Variants in CA5A observed in about 807,000 individuals in gnomAD.
CA5A encodes carbonic anhydrase 5A, mitochondrial.
CA5A carries 28 observed loss-of-function variants against 37.1 expected under a neutral mutation model. That is an observed-to-expected ratio of 0.75 (90% confidence interval 0.56 to 1.03). CA5A has a LOEUF of 1.03. CA5A is among the 50% of genes least tolerant of loss of function. The probability of loss-of-function intolerance (pLI) is 0.00; values close to 1 mark genes in which losing one functional copy is unlikely to be tolerated. For missense variants in CA5A, 444 were observed against 399.9 expected, an observed-to-expected ratio of 1.11 and a Z score of -0.94; for synonymous variants, 171 against 158.4, an observed-to-expected ratio of 1.08 and a Z score of -0.60.
In CA5A at chr16:87,891,905, G is replaced by T. The variant is rs144744608; in HGVS notation, c.668C>A (p.Thr223Asn). 4.5e-6 allele frequency: 7 copies of T among 1,568,976 alleles called. No individual in the cohort carries two copies. In the African/African-American group the frequency reaches 9.6e-5, roughly 21 times the overall value. ...CGCGTAGGTCCAGTAATCCCAGCAG[G>T]TGGGCAGCAGAGTGGAGGGGTCGAA... is the stretch of plus-strand genomic sequence containing the variant. ...RPFDPSTLLP[T>N]CWDYWTYAGS... Residue 223 changes from threonine (T) to asparagine (N), a missense_variant, in exon 6 of 7, where the codon ACC becomes AAC. Thr to Asn is a moderately conservative substitution (Grantham distance 65). Transcript: ENST00000649794.
chr16:87,898,297 A>G (rs1011356160), intron 5 of CA5A, among the ~76,000 whole-genome samples: 9 of 152,218 alleles, frequency 5.9e-5, no homozygotes, highest in African/African-American at 2.2e-4. Context: ...CCTGGGTGAG[A>G]ACTGCTGAGT....
intron 5 of CA5A, among the ~76,000 whole-genome samples, chr16:87,898,621 G>A (rs142614993): frequency 6.6e-6 from 1 of 152,264 alleles, no homozygotes; most frequent in African/African-American, 2.4e-5. Flanking sequence ...GCAGACTTGA[G>A]TGTGTGAGTG....
chr16:87,902,218 G>A (rs539714691), intron 4 of CA5A, among the ~76,000 whole-genome samples: 5 of 152,168 alleles, frequency 3.3e-5, no homozygotes, highest in African/African-American at 4.8e-5. Flanking sequence ...GCTGGGTGTG[G>A]TGGCACACTC....
chr16:87,929,615 A>G (rs141715018), intron 1 of CA5A, among the ~76,000 whole-genome samples: 2,078 of 152,238 alleles, frequency 0.014, 27 homozygotes, highest in African/African-American at 0.04. Flanking sequence ...GCTCACGCCT[A>G]TAATCCCAGC....
chr16:87,914,331 C>T (rs1019174080), intron 2 of CA5A, among the ~76,000 whole-genome samples: 4 of 152,172 alleles, frequency 2.6e-5, no homozygotes, highest in African/African-American at 9.7e-5. Flanking sequence ...ACAGTGATTT[C>T]TATTAAGTGC....
intron 2 of CA5A, among the ~76,000 whole-genome samples, chr16:87,914,979 T>A (rs2052186448): frequency 6.6e-6 from 1 of 152,180 alleles, no homozygotes; most frequent in Non-Finnish European, 1.5e-5. Context: ...GGCACCGAGT[T>A]GACGGGTGAG....
intron 1 of CA5A, among the ~76,000 whole-genome samples, chr16:87,929,622 C>T (rs2056368518): frequency 2.0e-5 from 3 of 151,970 alleles, no homozygotes; most frequent in African/African-American, 7.3e-5. Flanking sequence ...CCTATAATCC[C>T]AGCACTTTGG....
chr16:87,882,888 G>A (rs1365634193), intron 4 of CA5A: 1 of 152,414 alleles, frequency 6.6e-6, no homozygotes, highest in African/African-American at 2.4e-5. Flanking sequence ...CTCCTTTAAA[G>A]AGCCAGACGC....
chr16:87,884,458 T>C (rs1202821903), downstream of CA5A: 4 of 151,544 alleles, frequency 2.6e-5, no homozygotes, highest in Non-Finnish European at 5.9e-5. Flanking sequence ...TCTCAGCTAA[T>C]TGGGAGGCTG....
rs1321065605 is a variant in CA5A at position 87,911,952 on chromosome 16, T to G, written c.341-7048A>C. ...ACAGTCCCTGGCACGCAGTGAGAGCTCAAATAATGGTAGCCACTTACTATT... is the reference window on the plus strand; with the variant it reads ...ACAGTCCCTGGCACGCAGTGAGAGCGCAAATAATGGTAGCCACTTACTATT... On this transcript the variant is annotated intron_variant, in intron 2 of 6. Transcript: ENST00000649794. The surrounding 1 kb of genome is among the most constrained non-coding windows in gnomAD (Gnocchi z 4.6). Among the ~76,000 whole-genome samples, 6 of 152,168 alleles carry G rather than the reference T, an allele frequency of 3.9e-5. No individual in the cohort carries two copies. The highest frequency in any genetic ancestry group is 1.4e-4 in the African/African-American group (6 of 41,440).
intron 5 of CA5A, among the ~76,000 whole-genome samples, chr16:87,898,593 C>T (rs569690065): frequency 3.3e-4 from 51 of 152,362 alleles, no homozygotes; most frequent in African/African-American, 1.1e-3. Flanking sequence ...CGGGCAGCAG[C>T]AGCCTGTGCC....
chr16:87,888,425 G>C lies in CA5A; in HGVS notation c.775-153C>G, dbSNP rs562323490. On this transcript the variant is annotated intron_variant, in intron 6 of 6. Coordinates refer to ENST00000649794, the MANE Select transcript of CA5A (RefSeq NM_001739.2). ...TGGTGGAAGTGATGGTGTGTGCAGG[G>C]CCAGATTATAAAAGGCATTGCCGCT... 4.4e-4 allele frequency among the ~76,000 whole-genome samples: 67 copies of C among 152,230 alleles called. 1 individual carries two copies. The South Asian group carries it at 0.014, about 32-fold the overall frequency.
At position 87,904,700 on chromosome 16, in the gene CA5A, G is replaced by A. The variant is rs529285962; in HGVS notation, c.459+86C>T. The A allele has an allele frequency of 4.7e-5, 38 of 805,388 alleles. 1 individual carries two copies. The highest frequency in any genetic ancestry group is 5.0e-4 in the Middle Eastern group (2 of 4,030). The allele number at this position is 805,388 out of a possible 1,614,324, so 49.9% of individuals were successfully genotyped here. On this transcript the variant is annotated intron_variant, in intron 3 of 6. Coordinates refer to ENST00000649794, the MANE Select transcript of CA5A (RefSeq NM_001739.2). ...CCCAGGAAATCCTTCACATCTGAGCGGCGCGCATGGCTTGTTCACCCCCCA... is the reference window on the plus strand; with the variant it reads ...CCCAGGAAATCCTTCACATCTGAGCAGCGCGCATGGCTTGTTCACCCCCCA...
chr16:87,917,468 G>C (rs950212477), intron 2 of CA5A, among the ~76,000 whole-genome samples: 2 of 152,200 alleles, frequency 1.3e-5, no homozygotes, highest in African/African-American at 4.8e-5. Flanking sequence ...AGAAAGCAGA[G>C]AAAATATCTG....
At chr16:87,890,151 G>A (rs1424796980) in intron 6 of CA5A, among the ~76,000 whole-genome samples, 4 of 152,166 alleles carry the variant, frequency 2.6e-5, no homozygotes, top group African/African-American at 7.2e-5. Context: ...ATATGACACC[G>A]GCCACCCTGG....
chr16:87,904,105 G>A (rs981202197), intron 3 of CA5A, among the ~76,000 whole-genome samples: 6 of 152,234 alleles, frequency 3.9e-5, no homozygotes, highest in African/African-American at 1.4e-4. Context: ...ACTTTGGGAG[G>A]CTGAGGTGGG....
chr16:87,936,345 G>C lies in CA5A; in HGVS notation c.106C>G (p.Gln36Glu). ...CTGGTTTGCCATGCACAGGAACGCT[G>C]AGAACACCATCGCCCTGGCCTCATC... ...RSMRPGRWCS[Q>E]RSCAWQTSNN... The change falls in exon 1 of 7, where the codon CAG becomes GAG. Residue 36 changes from glutamine to glutamate, a missense_variant. Transcript: ENST00000649794. The C allele has an allele frequency of 6.2e-7, 1 of 1,614,006 alleles. No individual in the cohort carries two copies. Among genetic ancestry groups the C allele is most frequent in the Non-Finnish European group, 8.5e-7 (1 of 1,179,934 alleles).
At chr16:87,907,090 T>C (rs935916764) in intron 2 of CA5A, among the ~76,000 whole-genome samples, 3 of 152,096 alleles carry the variant, frequency 2.0e-5, no homozygotes, top group Non-Finnish European at 4.4e-5. Context: ...TATTGGTGGG[T>C]GCCTGTAATC....
rs1413888831 is a variant in CA5A, at chr16:87,911,958, A to G, written c.341-7054T>C. Among the ~76,000 whole-genome samples, 3 of 152,162 alleles carry G rather than the reference A, an allele frequency of 2.0e-5. No individual in the cohort carries two copies. Among genetic ancestry groups the G allele is most frequent in the Non-Finnish European group, 4.4e-5 (3 of 68,026 alleles). On this transcript the variant is annotated intron_variant, in intron 2 of 6. Transcript: ENST00000649794. This position sits in a 1 kb window ranked among gnomAD's most constrained non-coding sequence, Gnocchi z 4.6. ...CCTGGCACGCAGTGAGAGCTCAAAT[A>G]ATGGTAGCCACTTACTATTATTATG...
Sources: allele counts gnomAD v4.1 joint callset (sites outside exome capture counted in the v4.1 genomes callset), GRCh38; gene constraint gnomAD v4.1.1; non-coding constraint Gnocchi (gnomAD v3.1); transcripts MANE v1.5; gene names NCBI Gene and HGNC (gene_info 2026-07-23, HGNC 2026-07-21).